Variants in ZNF98 observed in about 807,000 individuals in gnomAD.
ZNF98 encodes zinc finger protein 98.
Under a neutral mutation model 12.8 loss-of-function variants are expected in ZNF98, and 8 were observed. The observed-to-expected ratio is 0.63, with a 90% CI of 0.37 to 1.13. ZNF98 has a LOEUF of 1.13. ZNF98 is among the 50% of genes most tolerant of loss of function. The pLI, the probability that ZNF98 is intolerant of heterozygous loss-of-function variation, is 0.01. For synonymous variants in ZNF98, 112 were observed against 223.5 expected (o/e 0.50, Z 4.45); for missense variants, 379 against 666.1 (o/e 0.57, Z 4.74).
intron 2 of ZNF98, 101 bp downstream of exon 2, chr19:22,403,285 A>ACC: frequency 1.4e-5 from 19 of 1,344,280 alleles, no homozygotes; most frequent in Admixed American, 2.5e-5. Context: ...AAAAAAAAAC[A>ACC]GAGATCTGAA....
chr19:22,415,154 T>C (rs1969626155), intron 1 of ZNF98, among the ~76,000 whole-genome samples: 1 of 152,038 alleles, frequency 6.6e-6, no homozygotes, highest in Non-Finnish European at 1.5e-5. Flanking sequence ...ATTAGAGAAA[T>C]TCAAAGAAAA....
intron 1 of ZNF98, among the ~76,000 whole-genome samples, chr19:22,406,881 T>C (rs1361689644): frequency 2.0e-5 from 3 of 151,632 alleles, no homozygotes; most frequent in Non-Finnish European, 4.4e-5. Flanking sequence ...CTTCTCCAAA[T>C]GATTGCAATG....
At chr19:22,408,611 C>G (rs80023885) in intron 1 of ZNF98, among the ~76,000 whole-genome samples, 1 of 152,200 alleles carries the variant, frequency 6.6e-6, no homozygotes, top group Non-Finnish European at 1.5e-5. Context: ...GATACAAAAT[C>G]AATGTGCAAA....
In ZNF98 at chr19:22,422,228, A is replaced by C; in HGVS notation, c.-4T>G. On this transcript the variant is annotated 5_prime_UTR_variant, in exon 1 of 4. Transcript: ENST00000357774. ...GGCTTCCAAGGGGTCCTGGCATCTTAGCTGTGGATTCCCAATACCTGCAGG... is the reference window on the plus strand; with the variant it reads ...GGCTTCCAAGGGGTCCTGGCATCTTCGCTGTGGATTCCCAATACCTGCAGG... 1 of 1,612,320 alleles carries C rather than the reference A, an allele frequency of 6.2e-7. No individual in the cohort carries two copies. The highest frequency in any genetic ancestry group is 1.1e-5 in the South Asian group (1 of 91,062).
At chr19:22,406,154 G>GT (rs1969516359) in intron 1 of ZNF98, among the ~76,000 whole-genome samples, 1 of 152,116 alleles carries the variant, frequency 6.6e-6, no homozygotes, top group South Asian at 2.1e-4. Flanking sequence ...TCTGTTCCTC[G>GT]TGTCACCCAA....
intron 1 of ZNF98, among the ~76,000 whole-genome samples, chr19:22,416,059 G>A (rs1969639156): frequency 6.6e-6 from 1 of 151,282 alleles, no homozygotes; most frequent in Admixed American, 6.6e-5. Context: ...CAGGAGAACA[G>A]CTTGAACCCG....
At chr19:22,416,425 C>T (rs1235211169) in intron 1 of ZNF98, among the ~76,000 whole-genome samples, 3 of 149,994 alleles carry the variant, frequency 2.0e-5, no homozygotes, top group East Asian at 2.0e-4. Context: ...ACCGAGATCG[C>T]GCCACTGCAC....
chr19:22,404,757 A>T (rs1450366319), intron 1 of ZNF98, among the ~76,000 whole-genome samples: 1 of 152,224 alleles, frequency 6.6e-6, no homozygotes, highest in Admixed American at 6.5e-5. Flanking sequence ...TAGTGATTTT[A>T]AGTAGTCTTT....
At chr19:22,394,333 G>T (rs74169618) in intron 3 of ZNF98, among the ~76,000 whole-genome samples, 8 of 151,502 alleles carry the variant, frequency 5.3e-5, no homozygotes, top group Admixed American at 1.3e-4. Context: ...ATCCCATTAC[G>T]GGGTATATAC....
At chr19:22,420,786 G>A (rs902467837) in intron 1 of ZNF98, among the ~76,000 whole-genome samples, 1 of 152,058 alleles carries the variant, frequency 6.6e-6, no homozygotes, top group African/African-American at 2.4e-5. Flanking sequence ...ACTCCATAAC[G>A]TTTGCAAAAT....
intron 1 of ZNF98, among the ~76,000 whole-genome samples, chr19:22,421,764 T>C (rs1327211499): frequency 6.6e-6 from 1 of 152,198 alleles, no homozygotes; most frequent in Non-Finnish European, 1.5e-5. Context: ...TCTTAAGTAC[T>C]GTCGCGATAA....
intron 3 of ZNF98, among the ~76,000 whole-genome samples, chr19:22,395,382 C>T (rs1157166155): frequency 1.3e-5 from 2 of 151,610 alleles, no homozygotes; most frequent in East Asian, 3.9e-4. Context: ...GTCCAAATCT[C>T]ATTCCAGATT....
At chr19:22,421,879 A>G (rs891348465) in intron 1 of ZNF98, among the ~76,000 whole-genome samples, 3 of 152,146 alleles carry the variant, frequency 2.0e-5, no homozygotes, top group African/African-American at 7.2e-5. Context: ...CCGAGTCAGG[A>G]TTCTGCCGAC....
intron 1 of ZNF98, among the ~76,000 whole-genome samples, chr19:22,420,286 G>A (rs763488664): frequency 4.7e-4 from 71 of 152,304 alleles, no homozygotes; most frequent in Admixed American, 1.1e-3. Flanking sequence ...ACTCTCTTAG[G>A]AGACAGTGCA....
At chr19:22,413,133 G>C (rs1048863000) in intron 1 of ZNF98, among the ~76,000 whole-genome samples, 1 of 151,918 alleles carries the variant, frequency 6.6e-6, no homozygotes, top group Non-Finnish European at 1.5e-5. Context: ...ACAACATACT[G>C]AATACACATA....
chr19:22,401,890 T>A (rs1027091209), intron 3 of ZNF98, among the ~76,000 whole-genome samples: 1 of 151,046 alleles, frequency 6.6e-6, no homozygotes, highest in Admixed American at 6.6e-5. Context: ...GAAAATACAA[T>A]TCTCGGTCAG....
chr19:22,394,835 G>T (rs1969372086), intron 3 of ZNF98, among the ~76,000 whole-genome samples: 1 of 152,118 alleles, frequency 6.6e-6, no homozygotes, highest in South Asian at 2.1e-4. Flanking sequence ...TACAGCAGCA[G>T]AAAGACTGTG....
intron 3 of ZNF98, among the ~76,000 whole-genome samples, chr19:22,400,735 A>T (rs1599385397): frequency 6.6e-6 from 1 of 152,110 alleles, no homozygotes; most frequent in East Asian, 1.9e-4. Flanking sequence ...CGGGTGGATC[A>T]CCAGGTCAGG....
chr19:22,411,556 T>C lies in ZNF98; in HGVS notation c.31-8044A>G, dbSNP rs181305891. The stretch of plus-strand genomic sequence containing the variant: ...GACCGAAAATTAAAAAAATAAATCT[T>C]TGCCAAAGCAAAAACAAAGCTATGA... On this transcript the variant is annotated intron_variant, in intron 1 of 3. Coordinates refer to ENST00000357774, the MANE Select transcript of ZNF98 (RefSeq NM_001098626.2). Among the ~76,000 whole-genome samples the C allele has an allele frequency of 7.4e-3, 1,134 of 152,246 alleles. 14 individuals carry two copies. The highest frequency in any genetic ancestry group is 0.026 in the African/African-American group (1,063 of 41,550).
Sources: gnomAD v4.1 joint callset for allele counts (sites outside exome capture counted in the v4.1 genomes callset) on GRCh38, gnomAD v4.1.1 for gene constraint, MANE v1.5 for transcripts, NCBI Gene and HGNC (gene_info 2026-07-23, HGNC 2026-07-21) for gene names.